The following TRMT2B variants were observed in gnomAD, a reference collection of about 807,000 sequenced individuals.
The protein encoded by TRMT2B is tRNA methyltransferase 2B, also known as tRNA (uracil-5-)-methyltransferase homolog B.
A neutral mutation model predicts 39.7 loss-of-function variants in TRMT2B; 34 were observed. That is an observed-to-expected ratio of 0.86 (90% confidence interval 0.65 to 1.14). The LOEUF (loss-of-function observed/expected upper bound fraction) is 1.14, where lower values mean the gene tolerates loss of function less well. Among genes scored for constraint, TRMT2B ranks in the 50% most tolerant of loss-of-function variants. The pLI is 0.00. For missense variants in TRMT2B, 318 were observed against 377.2 expected (o/e 0.84, Z 1.30); for synonymous variants, 132 against 137.3 (o/e 0.96, Z 0.27).
In TRMT2B at chrX:101,017,174, GA is replaced by G. The variant is rs545593617; in HGVS notation, c.1388+1796del. Among the ~76,000 whole-genome samples the G allele has an allele frequency of 4.7e-4, 50 of 107,472 alleles. No individual in the cohort carries two copies. The South Asian group carries it at 0.019, about 42-fold the overall frequency. 93.3% of individuals were successfully genotyped at this position (107,472 alleles called of 115,157 possible). ...GCGACAGAGCAAGACTCCGTCTCAG[GA>G]AAAAAAAAATTTCTTCCTATCTGTA... On this transcript the variant is annotated intron_variant, in intron 13 of 13. Transcript: ENST00000372936.
chrX:101,027,484 C>T lies in TRMT2B; in HGVS notation c.610-3868G>A, dbSNP rs113156167. Among the ~76,000 whole-genome samples the T allele has an allele frequency of 9.2e-5, 10 of 109,086 alleles. No individual in the cohort carries two copies. The Admixed American group carries it at 9.9e-4, about 11-fold the overall frequency. The allele number at this position is 109,086 out of a possible 115,157, so 94.7% of individuals were successfully genotyped here. Reference sequence around the variant, plus strand: ...GTCTTGATCTCCTGACCTTGTGATCCGCCCACCTTGGCCTCCCAAAGTGCT... The same window carrying T: ...GTCTTGATCTCCTGACCTTGTGATCTGCCCACCTTGGCCTCCCAAAGTGCT... On this transcript the variant is annotated intron_variant, in intron 7 of 13. Transcript: ENST00000372936.
At chrX:101,048,113 T>C (rs370883640) in intron 2 of TRMT2B, among the ~76,000 whole-genome samples, 47 of 90,368 alleles carry the variant, frequency 5.2e-4, no homozygotes, top group Admixed American at 1.1e-3. Flanking sequence ...TTTATACACA[T>C]ACACACACAC....
chrX:101,043,141 C>T (rs1300391363), intron 2 of TRMT2B, among the ~76,000 whole-genome samples: 3 of 110,683 alleles, frequency 2.7e-5, no homozygotes, highest in African/African-American at 9.9e-5. Flanking sequence ...TGGTGCATGC[C>T]TGTGATCCCA....
chrX:101,019,104 T>C (rs1296653531), intron 12 of TRMT2B, 34 bp from the exon 13 acceptor site: 1 of 1,099,012 alleles, frequency 9.1e-7, no homozygotes, highest in Non-Finnish European at 1.3e-6. Flanking sequence ...TTAGTATAAT[T>C]AACTACCATG....
intron 2 of TRMT2B, among the ~76,000 whole-genome samples, chrX:101,048,618 T>C (rs1272304730): frequency 1.8e-5 from 2 of 111,952 alleles, no homozygotes; most frequent in Non-Finnish European, 3.8e-5. Flanking sequence ...TTTGTATTTT[T>C]AGTAGAGACG....
At chrX:101,046,971 C>T (rs1464019054) in intron 2 of TRMT2B, among the ~76,000 whole-genome samples, 4 of 111,317 alleles carry the variant, frequency 3.6e-5, no homozygotes, top group African/African-American at 9.8e-5. Context: ...GTGGCTCACG[C>T]CTATAATCCC....
At chrX:100,983,113 C>T in the TRMT2B span, among the ~76,000 whole-genome samples, 3 of 110,487 alleles carry the variant, frequency 2.7e-5, no homozygotes, top group African/African-American at 6.6e-5. Context: ...GACTCAGTAC[C>T]GGTCCTTAGA....
At chrX:100,988,037 G>C in the TRMT2B span, among the ~76,000 whole-genome samples, 6 of 112,026 alleles carry the variant, frequency 5.4e-5, no homozygotes, top group African/African-American at 1.9e-4. Flanking sequence ...GAGGTGATCA[G>C]AGTTTTGAGG....
chrX:101,047,617 A>C (rs2088768294), intron 2 of TRMT2B, among the ~76,000 whole-genome samples: 2 of 110,768 alleles, frequency 1.8e-5, no homozygotes, highest in Non-Finnish European at 3.8e-5. Context: ...GGATCACCTG[A>C]GGTCAGGAGT....
At chrX:100,989,535 A>G in the TRMT2B span, among the ~76,000 whole-genome samples, 2 of 108,104 alleles carry the variant, frequency 1.9e-5, no homozygotes, top group African/African-American at 3.4e-5. Flanking sequence ...GCTTGAACCC[A>G]GGAGGCGGAG....
chrX:101,025,899 C>G (rs1288512422), intron 7 of TRMT2B, among the ~76,000 whole-genome samples: 1 of 109,589 alleles, frequency 9.1e-6, no homozygotes, highest in Non-Finnish European at 1.9e-5. Flanking sequence ...TTGTAGTGAG[C>G]TGAGATTGTG....
chrX:100,998,039 G>T, the TRMT2B span, among the ~76,000 whole-genome samples: 1 of 110,978 alleles, frequency 9.0e-6, no homozygotes, highest in African/African-American at 3.3e-5. Flanking sequence ...CGGATCACTT[G>T]AGGTCAGGCG....
intron 5 of TRMT2B, chrX:101,037,395 A>G: frequency 4.4e-6 from 1 of 228,344 alleles, no homozygotes; most frequent in Non-Finnish European, 7.8e-6. Flanking sequence ...TAGACAATAC[A>G]TAAACAAGTG....
chrX:101,023,738 C>T, intron 7 of TRMT2B, 122 bp from the exon 8 acceptor site: 1 of 621,168 alleles, frequency 1.6e-6, no homozygotes, highest in South Asian at 3.9e-5. Context: ...GAAGCCTTAA[C>T]CACCAGTACT....
chrX:100,988,596 T>C, the TRMT2B span: 3 of 904,427 alleles, frequency 3.3e-6, no homozygotes, highest in East Asian at 1.2e-4. Flanking sequence ...AAAATTTACA[T>C]AGGCCTTCCC....
chrX:100,998,557 A>C, the TRMT2B span, among the ~76,000 whole-genome samples: 1 of 41,856 alleles, frequency 2.4e-5, no homozygotes, highest in Admixed American at 1.8e-4. Flanking sequence ...TCTGTCGCAA[A>C]AAAAAAAAAA....
downstream of TRMT2B, among the ~76,000 whole-genome samples, chrX:101,005,750 G>A (rs373920707): frequency 9.6e-6 from 1 of 104,297 alleles, no homozygotes; most frequent in Admixed American, 1.1e-4. Flanking sequence ...GCATGATGGC[G>A]CATGCCTATA....
Position 101,051,309 on chromosome X carries a change from G to A in TRMT2B, c.-82C>T. The A allele has an allele frequency of 2.7e-6, 2 of 754,114 alleles. No individual in the cohort carries two copies. The highest frequency in any genetic ancestry group is 1.4e-4 in the South Asian group (2 of 14,786). The allele number at this position is 754,114 out of a possible 1,213,427, so 62.1% of individuals were successfully genotyped here. On this transcript the variant is annotated 5_prime_UTR_variant, in exon 2 of 14. Transcript: ENST00000372936. Reference sequence around the variant, plus strand: ...ATGTTCACCCACCGACAAGGGTCCTGCTTGCACTCTCTGCTCACCCTTCCT... The same window carrying A: ...ATGTTCACCCACCGACAAGGGTCCTACTTGCACTCTCTGCTCACCCTTCCT...
chrX:101,006,816 A>G (rs903573488), downstream of TRMT2B, among the ~76,000 whole-genome samples: 2 of 107,114 alleles, frequency 1.9e-5, no homozygotes, highest in Non-Finnish European at 3.9e-5. Flanking sequence ...AAAAAAAATT[A>G]TGACTCACTA....
Sources: allele counts gnomAD v4.1 joint callset (sites outside exome capture counted in the v4.1 genomes callset), GRCh38; gene constraint gnomAD v4.1.1; transcripts MANE v1.5; gene names NCBI Gene and HGNC (gene_info 2026-07-23, HGNC 2026-07-21).